Variants in SOX6 observed in about 807,000 individuals in gnomAD.
SOX6 encodes the protein SRY-box transcription factor 6, also known as transcription factor SOX-6.
A neutral mutation model predicts 97.8 loss-of-function variants in SOX6; 11 were observed. The observed-to-expected ratio is 0.11, with a 90% CI of 0.07 to 0.19. The LOEUF (loss-of-function observed/expected upper bound fraction) is 0.19, where lower values mean the gene tolerates loss of function less well. SOX6 is among the 10% of genes least tolerant of loss of function. The pLI is 1.00. For missense variants in SOX6, 810 were observed against 1,039.5 expected, an observed-to-expected ratio of 0.78 and a Z score of 3.04; for synonymous variants, 360 against 371.4, an observed-to-expected ratio of 0.97 and a Z score of 0.35.
chr11:16,248,191 C>A (rs1003946388), intron 3 of SOX6, among the ~76,000 whole-genome samples: 1 of 152,164 alleles, frequency 6.6e-6, no homozygotes, highest in Non-Finnish European at 1.5e-5. Context: ...GCCTCTGTGG[C>A]TTTGCAAGGT....
intron 4 of SOX6, among the ~76,000 whole-genome samples, chr11:16,545,838 G>C (rs1847614563): frequency 6.6e-6 from 1 of 152,116 alleles, no homozygotes; most frequent in Admixed American, 6.6e-5. Context: ...TATGGTCCCA[G>C]CTACTCAGGA....
intron 3 of SOX6, among the ~76,000 whole-genome samples, chr11:16,618,470 AT>A (rs1246845644): frequency 1.3e-5 from 2 of 151,730 alleles, no homozygotes; most frequent in South Asian, 2.1e-4. Context: ...CTATGTGAGT[AT>A]TTTTTTTAAT....
chr11:16,617,336 G>A (rs1312989662), intron 3 of SOX6, among the ~76,000 whole-genome samples: 1 of 151,808 alleles, frequency 6.6e-6, no homozygotes, highest in Non-Finnish European at 1.5e-5. Context: ...TAAAGTTCTA[G>A]AATAGTAGGC....
At chr11:16,539,439 A>C (rs1157456454) in intron 4 of SOX6, among the ~76,000 whole-genome samples, 2 of 152,172 alleles carry the variant, frequency 1.3e-5, no homozygotes, top group Non-Finnish European at 2.9e-5. Flanking sequence ...TAAATTCAAA[A>C]GCTAGCAGAA....
At chr11:16,228,452 G>T (rs1457348971) in intron 4 of SOX6, among the ~76,000 whole-genome samples, 1 of 152,118 alleles carries the variant, frequency 6.6e-6, no homozygotes, top group Non-Finnish European at 1.5e-5. Context: ...ATGGTAGGGA[G>T]TTAAGGAGAG....
chr11:16,325,047 A>G (rs2134313711), intron 2 of SOX6, among the ~76,000 whole-genome samples: 1 of 152,292 alleles, frequency 6.6e-6, no homozygotes, highest in African/African-American at 2.4e-5. Context: ...AAGAGACCAT[A>G]GTACACAATA....
At chr11:16,200,018 G>A (rs1216157236) in intron 4 of SOX6, among the ~76,000 whole-genome samples, 5 of 152,130 alleles carry the variant, frequency 3.3e-5, no homozygotes, top group African/African-American at 4.8e-5. Flanking sequence ...TCAGAAAACA[G>A]GTTCTAATTC....
At chr11:16,723,535 C>T (rs767954777) in intron 2 of SOX6, among the ~76,000 whole-genome samples, 6 of 152,028 alleles carry the variant, frequency 3.9e-5, no homozygotes, top group Admixed American at 2.6e-4. Flanking sequence ...TACAGCCAGG[C>T]GCAATAGCTC....
intron 13 of SOX6, among the ~76,000 whole-genome samples, chr11:16,003,654 G>C (rs1053047101): frequency 1.6e-4 from 25 of 152,062 alleles, no homozygotes; most frequent in African/African-American, 6.0e-4. Context: ...CTTCAACAGT[G>C]AGAATTTTAG....
At chr11:16,505,901 G>C (rs1474806603) in intron 4 of SOX6, among the ~76,000 whole-genome samples, 1 of 152,222 alleles carries the variant, frequency 6.6e-6, no homozygotes. Context: ...GTTGAGGCTT[G>C]GGAGCCTCTG....
chr11:16,701,287 A>G (rs1848091011), intron 3 of SOX6, among the ~76,000 whole-genome samples: 1 of 152,212 alleles, frequency 6.6e-6, no homozygotes, highest in Admixed American at 6.5e-5. Flanking sequence ...GATATATTTT[A>G]TAAAACACTC....
chr11:16,223,656 C>T (rs755504524), intron 4 of SOX6, among the ~76,000 whole-genome samples: 2 of 152,070 alleles, frequency 1.3e-5, no homozygotes, highest in Non-Finnish European at 2.9e-5. Flanking sequence ...AAAGGTTCCC[C>T]CTCAGCCTAA....
chr11:16,322,322 T>C (rs1355611661), intron 2 of SOX6, among the ~76,000 whole-genome samples: 1 of 152,040 alleles, frequency 6.6e-6, no homozygotes, highest in Non-Finnish European at 1.5e-5. Flanking sequence ...TGTTAAAAAG[T>C]GTGTAGACCT....
intron 6 of SOX6, among the ~76,000 whole-genome samples, chr11:16,132,505 A>AGAAAGAAAGCAAGC (rs1554934088): frequency 1.2e-5 from 1 of 86,152 alleles, no homozygotes; most frequent in Non-Finnish European, 2.6e-5. Context: ...AGAAAGAAAG[A>AGAAAGAAAGCAAGC]AAGCTTATCT....
Position 16,605,989 on chromosome 11 carries a change from T to C in SOX6, n.609+6092A>G, listed in dbSNP as rs917357435. Reference sequence around the variant, plus strand: ...TTGTCCAGGTTGGATATTGTCTACGTATGGATCAGCCCTTGGATGAGGGTT... The same window carrying C: ...TTGTCCAGGTTGGATATTGTCTACGCATGGATCAGCCCTTGGATGAGGGTT... On this transcript the variant is annotated intron_variant and non_coding_transcript_variant, in intron 4 of 5. Transcript: ENST00000524520. This position sits in a 1 kb window ranked among gnomAD's most constrained non-coding sequence, Gnocchi z 5.3. 2.6e-5 allele frequency: 4 copies of C among 152,254 alleles called. No homozygotes were observed. The highest frequency in any genetic ancestry group is 4.4e-5 in the Non-Finnish European group (3 of 68,084). 9.4% of individuals were successfully genotyped at this position (152,254 alleles called of 1,614,324 possible).
chr11:16,298,746 T>C (rs1855168840), intron 3 of SOX6, among the ~76,000 whole-genome samples: 1 of 152,112 alleles, frequency 6.6e-6, no homozygotes. Flanking sequence ...AGCTATTCCT[T>C]GGAACACTTA....
At chr11:16,702,337 A>C (rs1249881734) in intron 3 of SOX6, among the ~76,000 whole-genome samples, 2 of 152,210 alleles carry the variant, frequency 1.3e-5, no homozygotes, top group African/African-American at 4.8e-5. Context: ...CAGGTATCTT[A>C]TATCAACCTA....
chr11:16,136,498 T>C (rs1409482611), intron 6 of SOX6, among the ~76,000 whole-genome samples: 1 of 152,058 alleles, frequency 6.6e-6, no homozygotes, highest in Non-Finnish European at 1.5e-5. Flanking sequence ...ACTCCTAGGC[T>C]CAAGGTATCT....
At chr11:16,114,269 T>C (rs1356500606) in intron 6 of SOX6, among the ~76,000 whole-genome samples, 2 of 152,186 alleles carry the variant, frequency 1.3e-5, no homozygotes, top group Non-Finnish European at 2.9e-5. Context: ...TCTAAAGGCC[T>C]TGTTGGCAAA....
Sources: gnomAD v4.1 joint callset for allele counts (sites outside exome capture counted in the v4.1 genomes callset) on GRCh38, gnomAD v4.1.1 for gene constraint, Gnocchi (gnomAD v3.1) non-coding constraint, MANE v1.5 for transcripts, NCBI Gene and HGNC (gene_info 2026-07-23, HGNC 2026-07-21) for gene names.